Variants in CCDC178 observed in about 807,000 individuals in gnomAD.
The protein encoded by CCDC178 is coiled-coil domain containing 178.
Under a neutral mutation model 117.4 loss-of-function variants are expected in CCDC178, and 126 were observed. The observed-to-expected ratio is 1.07, with a 90% CI of 0.93 to 1.24. CCDC178 has a LOEUF of 1.24. Among genes scored for constraint, CCDC178 ranks in the 50% most tolerant of loss-of-function variants. The probability of loss-of-function intolerance (pLI) is 0.00; values close to 1 mark genes in which losing one functional copy is unlikely to be tolerated. For missense variants in CCDC178, 1,030 were observed against 986.9 expected (o/e 1.04, Z -0.59); for synonymous variants, 283 against 313.4 (o/e 0.90, Z 1.02).
intron 15 of CCDC178, among the ~76,000 whole-genome samples, chr18:33,244,177 A>T (rs2059519960): frequency 2.0e-5 from 3 of 152,040 alleles, no homozygotes; most frequent in Admixed American, 2.0e-4. Flanking sequence ...GAAAGTATTC[A>T]TTGACGATAA....
intron 15 of CCDC178, among the ~76,000 whole-genome samples, chr18:33,241,993 CATT>C: frequency 6.6e-6 from 1 of 151,748 alleles, no homozygotes; most frequent in East Asian, 1.9e-4. Context: ...AAGCTGTAGA[CATT>C]ATACTACCAG....
chr18:33,154,212 G>A (rs2058368048), intron 20 of CCDC178, among the ~76,000 whole-genome samples: 1 of 152,134 alleles, frequency 6.6e-6, no homozygotes, highest in South Asian at 2.1e-4. Context: ...GTTCTTAAAA[G>A]AAGGAGACCC....
rs116618424 is a variant in CCDC178, at chr18:33,259,624, G to A, written c.1409+7292C>T. On this transcript the variant is annotated intron_variant, in intron 14 of 22. Transcript: ENST00000383096. ...CACTCACTATCACGAGAACAGCAAG[G>A]GGAAGTCTGCCCCCATGATTCAATC... Among the ~76,000 whole-genome samples the A allele has an allele frequency of 7.3e-3, 1,108 of 152,144 alleles. 9 individuals carry two copies. Among genetic ancestry groups the A allele is most frequent in the African/African-American group, 0.025 (1,058 of 41,492 alleles).
chr18:32,991,884 G>A (rs2055402136), intron 21 of CCDC178, among the ~76,000 whole-genome samples: 1 of 152,130 alleles, frequency 6.6e-6, no homozygotes, highest in South Asian at 2.1e-4. Flanking sequence ...CATTTAAAAA[G>A]GACATCTGCC....
chr18:33,345,036 A>C (rs1316666713), intron 9 of CCDC178, among the ~76,000 whole-genome samples: 1 of 152,252 alleles, frequency 6.6e-6, no homozygotes, highest in African/African-American at 2.4e-5. Flanking sequence ...AGAAGACATA[A>C]AATTATAACA....
chr18:33,232,295 A>C (rs1599031091), intron 15 of CCDC178, among the ~76,000 whole-genome samples: 1 of 152,316 alleles, frequency 6.6e-6, no homozygotes, highest in Middle Eastern at 3.4e-3. Context: ...CAAACAGTCA[A>C]TACTGAGTCC....
At chr18:33,069,376 A>G (rs2057071838) in intron 21 of CCDC178, among the ~76,000 whole-genome samples, 1 of 152,130 alleles carries the variant, frequency 6.6e-6, no homozygotes, top group Non-Finnish European at 1.5e-5. Context: ...ATAAATTCAC[A>G]TATTTATAGC....
At chr18:33,167,264 A>G (rs956297610) in intron 20 of CCDC178, among the ~76,000 whole-genome samples, 16 of 152,146 alleles carry the variant, frequency 1.1e-4, no homozygotes, top group African/African-American at 3.9e-4. Context: ...TCTTTATGGT[A>G]GAGTGATTTA....
At chr18:33,338,423 A>G (rs2062771381) in intron 9 of CCDC178, among the ~76,000 whole-genome samples, 2 of 152,172 alleles carry the variant, frequency 1.3e-5, no homozygotes, top group Admixed American at 1.3e-4. Context: ...AGAGGAAAAG[A>G]AGTATATGAA....
intron 12 of CCDC178, among the ~76,000 whole-genome samples, chr18:33,276,182 T>C (rs998132453): frequency 6.6e-6 from 1 of 152,102 alleles, no homozygotes; most frequent in Admixed American, 6.6e-5. Context: ...ACATGTGCAT[T>C]CTTTGGCCTA....
chr18:33,333,114 G>A (rs1462374761), intron 10 of CCDC178, 60 bp downstream of exon 10: 3 of 994,828 alleles, frequency 3.0e-6, no homozygotes, highest in Non-Finnish European at 4.5e-6. Flanking sequence ...TCTTATGGTT[G>A]AAAAGTTTTT....
chr18:33,325,521 T>C (rs1481942298), intron 10 of CCDC178, among the ~76,000 whole-genome samples: 1 of 152,102 alleles, frequency 6.6e-6, no homozygotes, highest in Non-Finnish European at 1.5e-5. Flanking sequence ...ATATGTCACC[T>C]TCATTTAATT....
chr18:33,266,942 G>A lies in CCDC178; in HGVS notation c.1383C>T (p.Asn461=), dbSNP rs2059824238. ...TTTCATTGGTTTTTACTGTTATTTT[G>A]TTAATATCAATCTCAAGTTTTTTAT... ...EDNKKLEIDI[N]KITVKTNESI... The change falls in exon 14 of 23, where the codon AAC becomes AAT. Residue 461 remains asparagine (N), a synonymous_variant. Transcript: ENST00000383096. 6.3e-7 allele frequency: 1 copy of A among 1,582,454 alleles called. No individual in the cohort carries two copies. The highest frequency in any genetic ancestry group is 1.2e-5 in the South Asian group (1 of 85,350).
chr18:33,411,523 A>T (rs1291772222), intron 3 of CCDC178, among the ~76,000 whole-genome samples: 1 of 150,106 alleles, frequency 6.7e-6, no homozygotes, highest in Non-Finnish European at 1.5e-5. Context: ...ACAGAATAAA[A>T]GATGTCAGAG....
intron 12 of CCDC178, among the ~76,000 whole-genome samples, chr18:33,288,189 A>G (rs946443958): frequency 5.4e-5 from 8 of 149,472 alleles, no homozygotes; most frequent in African/African-American, 2.0e-4. Flanking sequence ...CCCTCTTCCC[A>G]TTTACCTTTA....
intron 6 of CCDC178, among the ~76,000 whole-genome samples, chr18:33,363,681 T>G: frequency 6.6e-6 from 1 of 152,060 alleles, no homozygotes; most frequent in Non-Finnish European, 1.5e-5. Flanking sequence ...GGAGCAGTAT[T>G]TGACTTTTCA....
chr18:32,948,405 A>G (rs1274628415), intron 22 of CCDC178, among the ~76,000 whole-genome samples: 1 of 152,120 alleles, frequency 6.6e-6, no homozygotes, highest in African/African-American at 2.4e-5. Flanking sequence ...TTTGTGGCAC[A>G]GAAGTATAAA....
chr18:33,197,894 T>C (rs1178252362), intron 20 of CCDC178, among the ~76,000 whole-genome samples: 2 of 152,244 alleles, frequency 1.3e-5, no homozygotes, highest in Non-Finnish European at 2.9e-5. Flanking sequence ...CATTATTCTA[T>C]ATAGTACTGA....
rs549180596 is a variant in CCDC178, at chr18:33,408,612, T to C, written c.58+3419A>G. On this transcript the variant is annotated intron_variant, in intron 3 of 22. Coordinates refer to ENST00000383096, the MANE Select transcript of CCDC178 (RefSeq NM_001105528.4). Reference sequence around the variant, plus strand: ...GCCAAATTATAAGTGCACAAATATATAATTTTATCAATATTCTTTAAACTT... The same window carrying C: ...GCCAAATTATAAGTGCACAAATATACAATTTTATCAATATTCTTTAAACTT... Among the ~76,000 whole-genome samples the C allele has an allele frequency of 3.3e-5, 5 of 152,202 alleles. No homozygotes were observed. In the South Asian group the frequency reaches 1.0e-3, roughly 32 times the overall value.
Sources: allele counts gnomAD v4.1 joint callset (sites outside exome capture counted in the v4.1 genomes callset), GRCh38; gene constraint gnomAD v4.1.1; transcripts MANE v1.5; gene names NCBI Gene and HGNC (gene_info 2026-07-23, HGNC 2026-07-21).